Variants in CCSER1 observed in about 807,000 individuals in gnomAD.
CCSER1 encodes the protein serine-rich coiled-coil domain-containing protein 1.
Under a neutral mutation model 82.0 loss-of-function variants are expected in CCSER1, and 41 were observed. The observed-to-expected ratio is 0.50, with a 90% confidence interval of 0.39 to 0.65. The LOEUF is 0.65. CCSER1 is among the 30% of genes least tolerant of loss of function. The pLI, the probability that CCSER1 is intolerant of heterozygous loss-of-function variation, is 0.00. For synonymous variants in CCSER1, 414 were observed against 383.9 expected (o/e 1.08, Z -0.92); for missense variants, 1,119 against 1,064.2 (o/e 1.05, Z -0.72).
At chr4:90,921,274 G>A (rs565842541) in intron 8 of CCSER1, among the ~76,000 whole-genome samples, 17 of 149,864 alleles carry the variant, frequency 1.1e-4, no homozygotes, top group East Asian at 2.0e-4. Context: ...ATATGTTTAC[G>A]GCCTTCTATT....
intron 6 of CCSER1, among the ~76,000 whole-genome samples, chr4:90,628,481 TC>T (rs1291489351): frequency 6.6e-6 from 1 of 152,150 alleles, no homozygotes; most frequent in African/African-American, 2.4e-5. Flanking sequence ...ATCCCAAGCA[TC>T]CCCCTATTTG....
chr4:90,450,130 T>A (rs1429631280), intron 4 of CCSER1, among the ~76,000 whole-genome samples: 1 of 152,148 alleles, frequency 6.6e-6, no homozygotes, highest in East Asian at 1.9e-4. Context: ...AGCAGTCACA[T>A]CTCTCTCAGA....
chr4:91,562,549 C>A (rs575095262), intron 10 of CCSER1, among the ~76,000 whole-genome samples: 25 of 151,516 alleles, frequency 1.6e-4, no homozygotes, highest in African/African-American at 5.5e-4. Flanking sequence ...TAGATGGAGG[C>A]AGCACAAGAC....
chr4:90,309,562 T>G lies in CCSER1; in HGVS notation c.1278T>G (p.His426Gln). The stretch of plus-strand genomic sequence containing the variant: ...TAATACCTACTTCTGGTGATCATCA[T>G]ATTTTTAACAAAACATCACATGGAT... ...SKIIPTSGDHHIFNKTSHGYE... is the reference protein window; with the variant it reads ...SKIIPTSGDHQIFNKTSHGYE... Residue 426 changes from histidine to glutamine, a missense_variant, in exon 2 of 11, where the codon CAT (histidine) becomes CAG (glutamine). Physicochemically the swap from His to Gln is conservative, Grantham distance 24 (BLOSUM62 0). Coordinates refer to ENST00000509176, the MANE Select transcript of CCSER1 (RefSeq NM_001145065.2). 1 of 1,605,028 alleles carries G rather than the reference T, an allele frequency of 6.2e-7. No homozygotes were observed. The highest frequency in any genetic ancestry group is 1.1e-5 in the South Asian group (1 of 88,596).
At chr4:91,559,710 A>T (rs887909853) in intron 10 of CCSER1, among the ~76,000 whole-genome samples, 2 of 151,610 alleles carry the variant, frequency 1.3e-5, no homozygotes, top group African/African-American at 4.8e-5. Flanking sequence ...ATAATTTCCA[A>T]TTACAAAGAG....
intron 10 of CCSER1, among the ~76,000 whole-genome samples, chr4:91,465,044 G>A (rs1254920545): frequency 6.6e-6 from 1 of 152,122 alleles, no homozygotes. Context: ...CAAATCAACA[G>A]AATATACATT....
intron 10 of CCSER1, among the ~76,000 whole-genome samples, chr4:91,586,581 A>G (rs73836249): frequency 0.11 from 16,560 of 151,770 alleles, 929 homozygotes; most frequent in Middle Eastern, 0.18. Context: ...AAGAAAATGT[A>G]TAAACTGACA....
intron 5 of CCSER1, among the ~76,000 whole-genome samples, chr4:90,484,531 G>C (rs1223283256): frequency 6.6e-6 from 1 of 152,128 alleles, no homozygotes; most frequent in Non-Finnish European, 1.5e-5. Flanking sequence ...TGATGATGGT[G>C]ACATACAGAC....
At position 90,562,393 on chromosome 4, in the gene CCSER1, A is replaced by G. The variant is rs543472322; in HGVS notation, c.1725-65632A>G. Among the ~76,000 whole-genome samples the G allele has an allele frequency of 6.6e-5, 10 of 152,212 alleles. No individual in the cohort carries two copies. In the East Asian group the frequency reaches 1.9e-3, roughly 29 times the overall value. On this transcript the variant is annotated intron_variant, in intron 5 of 10. Coordinates refer to ENST00000509176, the MANE Select transcript of CCSER1 (RefSeq NM_001145065.2). Reference sequence around the variant, plus strand: ...AAACGTCTGATTCTGAATATTCCATATGTAGAGCAGATTAAAAATAAAAGG... The same window carrying G: ...AAACGTCTGATTCTGAATATTCCATGTGTAGAGCAGATTAAAAATAAAAGG...
chr4:90,227,543 G>A (rs773137143), intron 1 of CCSER1, among the ~76,000 whole-genome samples: 17 of 152,166 alleles, frequency 1.1e-4, no homozygotes, highest in Non-Finnish European at 2.1e-4. Flanking sequence ...CTTGCAACAT[G>A]TATTCAGCTA....
At chr4:90,909,557 A>G (rs1350551987) in intron 8 of CCSER1, among the ~76,000 whole-genome samples, 1 of 152,204 alleles carries the variant, frequency 6.6e-6, no homozygotes, top group Admixed American at 6.5e-5. Flanking sequence ...AGCAATTTGG[A>G]TGATATTTCC....
At chr4:91,247,115 CA>C (rs962228537) in intron 10 of CCSER1, among the ~76,000 whole-genome samples, 1 of 151,912 alleles carries the variant, frequency 6.6e-6, no homozygotes, top group Admixed American at 6.6e-5. Context: ...TCCTGGCTAA[CA>C]CGGTGAAACC....
At chr4:91,597,690 C>T (rs773715996) in intron 10 of CCSER1, among the ~76,000 whole-genome samples, 9 of 152,044 alleles carry the variant, frequency 5.9e-5, no homozygotes, top group Admixed American at 1.3e-4. Flanking sequence ...ATCTATAGTG[C>T]TCTTCTCTCT....
At chr4:90,239,615 C>A (rs1746464060) in intron 1 of CCSER1, among the ~76,000 whole-genome samples, 1 of 152,148 alleles carries the variant, frequency 6.6e-6, no homozygotes, top group East Asian at 1.9e-4. Flanking sequence ...AGTCCTCCTG[C>A]CTTAGCCACC....
At chr4:91,295,918 TAAAAC>T (rs1389225882) in intron 10 of CCSER1, among the ~76,000 whole-genome samples, 1 of 151,962 alleles carries the variant, frequency 6.6e-6, no homozygotes, top group East Asian at 1.9e-4. Context: ...AAATACAAAT[TAAAAC>T]AAAAAATCTT....
chr4:91,063,630 G>A (rs1744135701), intron 9 of CCSER1, among the ~76,000 whole-genome samples: 1 of 152,040 alleles, frequency 6.6e-6, no homozygotes, highest in South Asian at 2.1e-4. Context: ...GAGGGTGAAG[G>A]TTGGTATACT....
chr4:91,467,347 A>C (rs1360658134), intron 10 of CCSER1, among the ~76,000 whole-genome samples: 1 of 152,228 alleles, frequency 6.6e-6, no homozygotes, highest in Admixed American at 6.5e-5. Context: ...CACAAAAATT[A>C]ATTCAAGATG....
chr4:90,882,009 C>T (rs1052374687), intron 8 of CCSER1, among the ~76,000 whole-genome samples: 1 of 151,900 alleles, frequency 6.6e-6, no homozygotes, highest in African/African-American at 2.4e-5. Flanking sequence ...ACATTAAACC[C>T]TTGGAATCTA....
At chr4:91,053,703 A>G (rs1743195719) in intron 9 of CCSER1, among the ~76,000 whole-genome samples, 1 of 152,214 alleles carries the variant, frequency 6.6e-6, no homozygotes, top group South Asian at 2.1e-4. Flanking sequence ...AACATCCCGA[A>G]CTATTCTATG....
Sources: gnomAD v4.1 joint callset for allele counts (sites outside exome capture counted in the v4.1 genomes callset) on GRCh38, gnomAD v4.1.1 for gene constraint, MANE v1.5 for transcripts, NCBI Gene and HGNC (gene_info 2026-07-23, HGNC 2026-07-21) for gene names.